CEP350: variants seen among roughly 807,000 people sequenced by gnomAD.
The protein encoded by CEP350 is centrosome-associated protein 350.
Under a neutral mutation model 331.8 loss-of-function variants are expected in CEP350, and 126 were observed. The observed-to-expected ratio is 0.38, with a 90% CI of 0.33 to 0.44. The LOEUF (loss-of-function observed/expected upper bound fraction) is 0.44. Among genes scored for constraint, CEP350 ranks in the 20% least tolerant of loss-of-function variants. The probability of loss-of-function intolerance (pLI) is 1.00; values close to 1 mark genes in which losing one functional copy is unlikely to be tolerated. For synonymous variants in CEP350, 1,200 were observed against 1,259.5 expected (o/e 0.95, Z 1.00); for missense variants, 3,406 against 3,634.6 (o/e 0.94, Z 1.62).
chr1:179,964,971 G>C (rs1454094980), intron 1 of CEP350, among the ~76,000 whole-genome samples: 3 of 151,202 alleles, frequency 2.0e-5, no homozygotes, highest in African/African-American at 7.3e-5. Flanking sequence ...TCTTTTTCTG[G>C]TTCCTTTAAG....
chr1:180,020,170 A>G lies in CEP350; in HGVS notation c.2396A>G (p.Tyr799Cys), dbSNP rs1225790595. Residue 799 changes from tyrosine (Y) to cysteine (C), a missense_variant, in exon 12 of 38, where the codon TAT (tyrosine) becomes TGT (cysteine). Physicochemically the swap from Tyr to Cys is radical, Grantham distance 194. Around this residue, in one of 5 missense-constraint regions of CEP350, gnomAD observed 1,857 missense variants for 1,909.2 expected, o/e 0.97. Coordinates refer to ENST00000367607, the MANE Select transcript of CEP350 (RefSeq NM_014810.5). ...CCATTAACTTTTACACCTCAACCATATGTGACCTCACCAGCTGCTTATACA... is the reference window on the plus strand; with the variant it reads ...CCATTAACTTTTACACCTCAACCATGTGTGACCTCACCAGCTGCTTATACA... ...SRPLTFTPQP[Y>C]VTSPAAYTDA... is the part of the protein sequence containing the mutation. 6.2e-7 allele frequency: 1 copy of G among 1,613,882 alleles called. No homozygotes were observed. The highest frequency in any genetic ancestry group is 8.5e-7 in the Non-Finnish European group (1 of 1,179,880).
In CEP350 at chr1:180,016,912, C is replaced by T. The variant is rs139790221; in HGVS notation, c.2174+942C>T. ...TCCTGACCTCAAGTGATCCACCCAC[C>T]TCAGCCTCCCAAAGTGCTGGGATTA... On this transcript the variant is annotated intron_variant, in intron 11 of 37. Coordinates refer to ENST00000367607, the MANE Select transcript of CEP350 (RefSeq NM_014810.5). Among the ~76,000 whole-genome samples, 648 of 152,258 alleles carry T rather than the reference C, an allele frequency of 4.3e-3. 5 individuals carry two copies. The highest frequency in any genetic ancestry group is 0.015 in the African/African-American group (616 of 41,546).
intron 12 of CEP350, among the ~76,000 whole-genome samples, chr1:180,021,994 T>C (rs1425223546): frequency 2.6e-5 from 4 of 152,200 alleles, no homozygotes; most frequent in African/African-American, 9.6e-5. Context: ...TATACTAACA[T>C]TATCTTAGAA....
chr1:180,069,339 C>G (rs1056934996), intron 27 of CEP350, among the ~76,000 whole-genome samples: 1 of 152,138 alleles, frequency 6.6e-6, no homozygotes, highest in Admixed American at 6.5e-5. Flanking sequence ...ATTATAGTGT[C>G]TGATCAATGT....
chr1:180,094,439 T>A lies in CEP350; in HGVS notation c.8334T>A (p.Asp2778Glu). 6.2e-7 allele frequency: 1 copy of A among 1,613,750 alleles called. No individual in the cohort carries two copies. The highest frequency in any genetic ancestry group is 1.1e-5 in the South Asian group (1 of 91,046). Residue 2778 changes from aspartate to glutamate, a missense_variant, in exon 34 of 38, where the codon GAT becomes GAA. By Grantham distance (45) the Asp-to-Glu change is conservative. Around this residue, in one of 5 missense-constraint regions of CEP350, gnomAD observed 1,415 missense variants for 1,512.3 expected, o/e 0.94. Coordinates refer to ENST00000367607, the MANE Select transcript of CEP350 (RefSeq NM_014810.5). ...TACAACAAATCAAAAAAACCAGGGA[T>A]GAGAAAATCCAGCTTAGCAATCAGG... ...NQLQQIKKTR[D>E]EKIQLSNQEL...
At chr1:180,024,374 G>GT in intron 13 of CEP350, 45 bp from the exon 14 acceptor site, 1 of 1,541,096 alleles carries the variant, frequency 6.5e-7, no homozygotes, top group South Asian at 1.2e-5. Flanking sequence ...TAGCTGTGTT[G>GT]TAAGACTTTT....
chr1:180,051,343 G>A (rs1657487059), intron 22 of CEP350, among the ~76,000 whole-genome samples: 1 of 152,162 alleles, frequency 6.6e-6, no homozygotes, highest in African/African-American at 2.4e-5. Flanking sequence ...TGAAAAAGCA[G>A]GCCCCAAAAG....
intron 5 of CEP350, among the ~76,000 whole-genome samples, chr1:179,994,894 TTAC>T (rs1444495239): frequency 1.3e-5 from 2 of 152,164 alleles, no homozygotes; most frequent in Non-Finnish European, 2.9e-5. Context: ...GTAGAAACAG[TTAC>T]TATGTTATGT....
At chr1:180,073,938 T>C in intron 27 of CEP350, 2 of 1,303,446 alleles carry the variant, frequency 1.5e-6, no homozygotes, top group Non-Finnish European at 2.0e-6. Flanking sequence ...AGTGCACTCT[T>C]TGATAGAGCA....
chr1:180,088,434 AAAC>A (rs1222626457), intron 32 of CEP350, among the ~76,000 whole-genome samples: 6 of 152,012 alleles, frequency 3.9e-5, no homozygotes, highest in African/African-American at 1.2e-4. Context: ...AAAAAAAAAA[AAAC>A]ATTGGCATAT....
In CEP350 at chr1:180,093,961, G is replaced by A. The variant is rs1230140309; in HGVS notation, c.7856G>A (p.Ser2619Asn). 6.2e-7 allele frequency: 1 copy of A among 1,613,844 alleles called. No individual in the cohort carries two copies. The highest frequency in any genetic ancestry group is 2.2e-5 in the East Asian group (1 of 44,868). ...SEYFYEKSLP[S>N]VNDIEASVNR... The stretch of plus-strand genomic sequence containing the variant: ...TATTTTTATGAGAAATCCCTACCTA[G>A]TGTGAATGATATAGAAGCCTCAGTT... The change falls in exon 34 of 38, where the codon AGT becomes AAT. Residue 2619 changes from serine to asparagine, a missense_variant. Ser to Asn is a conservative substitution (Grantham distance 46). Coordinates refer to ENST00000367607, the MANE Select transcript of CEP350 (RefSeq NM_014810.5).
At chr1:179,975,643 G>A (rs760234266) in intron 1 of CEP350, among the ~76,000 whole-genome samples, 3 of 152,054 alleles carry the variant, frequency 2.0e-5, no homozygotes, top group Non-Finnish European at 4.4e-5. Flanking sequence ...GGGAGAGATA[G>A]GAATGTCAAA....
chr1:180,008,782 G>T (rs887244738), intron 8 of CEP350, among the ~76,000 whole-genome samples: 1 of 152,082 alleles, frequency 6.6e-6, no homozygotes, highest in Admixed American at 6.6e-5. Flanking sequence ...TTAGTGCTGC[G>T]GTAAGAGGTC....
At position 180,062,903 on chromosome 1, in the gene CEP350, A is replaced by G. The variant is rs559672900; in HGVS notation, c.5409+537A>G. Among the ~76,000 whole-genome samples the G allele has an allele frequency of 1.5e-4, 23 of 152,360 alleles. No homozygotes were observed. In the East Asian group the frequency reaches 2.3e-3, roughly 15 times the overall value. ...GGGGACAAACATTCAAACCGTAGCAATGCCCTAATGTATAGTGAGAGTTTT... is the reference window on the plus strand; with the variant it reads ...GGGGACAAACATTCAAACCGTAGCAGTGCCCTAATGTATAGTGAGAGTTTT... On this transcript the variant is annotated intron_variant, in intron 26 of 37. Transcript: ENST00000367607.
intron 1 of CEP350, 86 bp downstream of exon 1, chr1:179,955,228 G>C: frequency 4.3e-6 from 5 of 1,149,870 alleles, no homozygotes; most frequent in Non-Finnish European, 5.4e-6. Context: ...CCCCGGTGGC[G>C]GCAAGAGAGG....
chr1:180,053,763 C>A lies in CEP350; in HGVS notation c.5003C>A (p.Pro1668Gln). The change falls in exon 24 of 38, where the codon CCA becomes CAA. Residue 1668 changes from proline (P) to glutamine (Q), a missense_variant. Pro to Gln is a moderately conservative substitution (Grantham distance 76). This residue lies in a region of CEP350 where 104 missense variants were observed against 143.3 expected (regional missense o/e 0.73). Coordinates refer to ENST00000367607, the MANE Select transcript of CEP350 (RefSeq NM_014810.5). The part of the protein sequence containing the change: ...TLSTAKELNM[P>Q]FSGGQDSFSK... The stretch of plus-strand genomic sequence containing the variant: ...CATCTACTTTAGGAACTGAACATGC[C>A]ATTCTCAGGAGGACAAGATAGCTTT... 6.3e-7 allele frequency: 1 copy of A among 1,580,944 alleles called. No individual in the cohort carries two copies. The highest frequency in any genetic ancestry group is 8.6e-7 in the Non-Finnish European group (1 of 1,158,598).
Position 179,960,584 on chromosome 1 carries a change from A to AT in CEP350, c.-14+5450dup, listed in dbSNP as rs898680091. ...GATACCACACAAGAGATTGTGTTCC[A>AT]TTTTTTTTGATGACACTGTGTCTTC... On this transcript the variant is annotated intron_variant, in intron 1 of 37. Coordinates refer to ENST00000367607, the MANE Select transcript of CEP350 (RefSeq NM_014810.5). 1.9e-4 allele frequency among the ~76,000 whole-genome samples: 29 copies of AT among 151,840 alleles called. No individual in the cohort carries two copies. The East Asian group carries it at 4.8e-3, about 25-fold the overall frequency.
At chr1:180,085,080 T>G (rs1006126711) in intron 31 of CEP350, among the ~76,000 whole-genome samples, 1 of 151,336 alleles carries the variant, frequency 6.6e-6, no homozygotes, top group African/African-American at 2.4e-5. Flanking sequence ...TTTTTTCTCC[T>G]TTTCTTTCCT....
At chr1:179,979,821 C>G (rs1652147154) in intron 1 of CEP350, among the ~76,000 whole-genome samples, 1 of 151,960 alleles carries the variant, frequency 6.6e-6, no homozygotes, top group Non-Finnish European at 1.5e-5. Context: ...AATGAATGTT[C>G]TTGGCACCAT....
Sources: gnomAD v4.1 joint callset for allele counts (sites outside exome capture counted in the v4.1 genomes callset) on GRCh38, gnomAD v4.1.1 for gene constraint, gnomAD v4.1.1 regional missense constraint, MANE v1.5 for transcripts, NCBI Gene and HGNC (gene_info 2026-07-23, HGNC 2026-07-21) for gene names.